The following IGF2R variants were observed in gnomAD, a reference collection of about 807,000 sequenced individuals.
The protein encoded by IGF2R is insulin like growth factor 2 receptor.
Under a neutral mutation model 270.6 loss-of-function variants are expected in IGF2R, and 91 were observed. The ratio of observed to expected loss-of-function variants is 0.34; its 90% confidence interval spans 0.28 to 0.40. IGF2R has a LOEUF of 0.40. Ranked by LOEUF, IGF2R falls within the 10% of genes least tolerant of loss-of-function variation. The probability of loss-of-function intolerance (pLI) is 1.00; values close to 1 mark genes in which losing one functional copy is unlikely to be tolerated. For missense variants in IGF2R, 2,805 were observed against 3,188.3 expected, an observed-to-expected ratio of 0.88 and a Z score of 2.90; for synonymous variants, 1,316 against 1,258.9, an observed-to-expected ratio of 1.05 and a Z score of -0.96.
At chr6:159,992,476 CTCTT>C (rs1251744001) in intron 2 of IGF2R, among the ~76,000 whole-genome samples, 4 of 152,018 alleles carry the variant, frequency 2.6e-5, no homozygotes, top group Non-Finnish European at 5.9e-5. Context: ...ATTTGGTGTT[CTCTT>C]TCTGAGTTAT....
chr6:160,031,373 A>G (rs1562349759), intron 7 of IGF2R, among the ~76,000 whole-genome samples: 1 of 152,030 alleles, frequency 6.6e-6, no homozygotes, highest in Non-Finnish European at 1.5e-5. Flanking sequence ...AGTACAATTC[A>G]GTGGTTATTA....
intron 42 of IGF2R, 148 bp downstream of exon 42, chr6:160,088,295 C>T (rs1363226569): frequency 3.1e-6 from 2 of 635,118 alleles, no homozygotes; most frequent in South Asian, 3.5e-5. Context: ...GGGGCTGCTC[C>T]AGGCAGGGAA....
intron 39 of IGF2R, among the ~76,000 whole-genome samples, chr6:160,082,549 A>T (rs1283360113): frequency 6.6e-6 from 1 of 152,164 alleles, no homozygotes; most frequent in Non-Finnish European, 1.5e-5. Flanking sequence ...TGACCTCATG[A>T]TCCGCCCACC....
chr6:160,042,327 T>C (rs1209460394), intron 11 of IGF2R, among the ~76,000 whole-genome samples: 1 of 152,238 alleles, frequency 6.6e-6, no homozygotes, highest in African/African-American at 2.4e-5. Context: ...TCTCCAAATG[T>C]ACTGTATCAC....
chr6:160,056,306 G>T (rs1778315806), intron 19 of IGF2R, 118 bp from the exon 20 acceptor site: 1 of 706,616 alleles, frequency 1.4e-6, no homozygotes, highest in Non-Finnish European at 2.6e-6. Flanking sequence ...CTTATTGGCT[G>T]ACTCATAATA....
chr6:160,071,801 G>A (rs1778744706), intron 31 of IGF2R, 109 bp from the exon 32 acceptor site: 3 of 1,411,864 alleles, frequency 2.1e-6, no homozygotes, highest in Non-Finnish European at 3.0e-6. Context: ...AGACAGAAAT[G>A]TCACATGCTG....
At position 160,089,088 on chromosome 6, in the gene IGF2R, T is replaced by C. The variant is rs371862914; in HGVS notation, c.6321-19T>C. 1.9e-6 allele frequency: 3 copies of C among 1,608,440 alleles called. No individual in the cohort carries two copies. The highest frequency in any genetic ancestry group is 2.6e-6 in the Non-Finnish European group (3 of 1,175,920). On this transcript the variant is annotated intron_variant, in intron 42 of 47. Transcript: ENST00000356956. Reference sequence around the variant, plus strand: ...TCTGGCTGGGGAAGTGACTGTAGCCTGTGCTTCCCTCCTCCTAGGTTTGAT... The same window carrying C: ...TCTGGCTGGGGAAGTGACTGTAGCCCGTGCTTCCCTCCTCCTAGGTTTGAT...
intron 39 of IGF2R, among the ~76,000 whole-genome samples, chr6:160,082,778 G>A (rs1779014117): frequency 6.6e-6 from 1 of 152,220 alleles, no homozygotes; most frequent in Admixed American, 6.5e-5. Flanking sequence ...ATGAGATGTG[G>A]CCAGGGCAGC....
intron 1 of IGF2R, among the ~76,000 whole-genome samples, chr6:159,986,424 G>A (rs1783886400): frequency 9.0e-6 from 1 of 111,198 alleles, no homozygotes; most frequent in South Asian, 3.8e-4. Context: ...GTGTGTGTGT[G>A]TGTGTGTTTT....
chr6:160,079,799 C>G lies in IGF2R; in HGVS notation c.5686+12C>G. Reference sequence around the variant, plus strand: ...TCGTTGCCCTCCAGGTAAATATTTGCAATGAGGTAAATAAACTTCAAGCTC... The same window carrying G: ...TCGTTGCCCTCCAGGTAAATATTTGGAATGAGGTAAATAAACTTCAAGCTC... On this transcript the variant is annotated intron_variant, in intron 38 of 47. Transcript: ENST00000356956. 6.9e-7 allele frequency: 1 copy of G among 1,447,286 alleles called. No homozygotes were observed. The allele number at this position is 1,447,286 out of a possible 1,614,324, so 89.7% of individuals were successfully genotyped here.
intron 26 of IGF2R, 116 bp downstream of exon 26, chr6:160,062,735 C>T: frequency 3.0e-6 from 2 of 668,824 alleles, no homozygotes; most frequent in East Asian, 5.9e-5. Flanking sequence ...TCATGAGACA[C>T]ACGCTAGGGG....
intron 9 of IGF2R, among the ~76,000 whole-genome samples, chr6:160,033,729 G>A (rs921602029): frequency 6.6e-6 from 1 of 152,156 alleles, no homozygotes; most frequent in Non-Finnish European, 1.5e-5. Context: ...TTTAAAATTC[G>A]TTTTTAAGGA....
At chr6:160,089,417 C>G (rs1583301707) in intron 43 of IGF2R, among the ~76,000 whole-genome samples, 164 bp downstream of exon 43, 1 of 152,222 alleles carries the variant, frequency 6.6e-6, no homozygotes, top group African/African-American at 2.4e-5. Context: ...AAAAGCGTTA[C>G]TCAATCATTA....
chr6:160,073,485 G>A lies in IGF2R; in HGVS notation c.4947+16G>A, dbSNP rs1778789652. 1 of 1,613,252 alleles carries A rather than the reference G, an allele frequency of 6.2e-7. No individual in the cohort carries two copies. Among genetic ancestry groups the A allele is most frequent in the Non-Finnish European group, 8.5e-7 (1 of 1,179,608 alleles). On this transcript the variant is annotated intron_variant, in intron 34 of 47. Transcript: ENST00000356956. Reference sequence around the variant, plus strand: ...CGAGCAAGCGGTGAGTTTTCAGATGGGCACGGGAGAAGTGCATGTCCAGTG... The same window carrying A: ...CGAGCAAGCGGTGAGTTTTCAGATGAGCACGGGAGAAGTGCATGTCCAGTG...
Position 160,047,809 on chromosome 6 carries a change from C to T in IGF2R, c.2247C>T (p.Thr749=). The change falls in exon 17 of 48, where the codon ACC becomes ACT. Residue 749 remains threonine, a synonymous_variant. Transcript: ENST00000356956. ...TGGATTAGGAAGAGGATAACTCCACCTACAACTTCCGGTGGTACACCAGCT... is the reference window on the plus strand; with the variant it reads ...TGGATTAGGAAGAGGATAACTCCACTTACAACTTCCGGTGGTACACCAGCT... The part of the protein sequence containing the change: ...FPEYQEEDNS[T]YNFRWYTSYA... The T allele has an allele frequency of 6.2e-7, 1 of 1,613,216 alleles. No individual in the cohort carries two copies. Among genetic ancestry groups the T allele is most frequent in the Non-Finnish European group, 8.5e-7 (1 of 1,179,090 alleles).
chr6:159,984,771 C>G (rs992799062), intron 1 of IGF2R, among the ~76,000 whole-genome samples: 1 of 152,154 alleles, frequency 6.6e-6, no homozygotes, highest in African/African-American at 2.4e-5. Flanking sequence ...ATAAACCAGT[C>G]CCCCCATCAG....
At chr6:159,995,277 TG>T (rs1784035431) in intron 2 of IGF2R, among the ~76,000 whole-genome samples, 2 of 152,158 alleles carry the variant, frequency 1.3e-5, no homozygotes, top group African/African-American at 4.8e-5. Flanking sequence ...GGTTTCTATT[TG>T]CATGGAATAT....
chr6:160,072,690 G>A, intron 32 of IGF2R, 75 bp from the exon 33 acceptor site: 2 of 1,546,950 alleles, frequency 1.3e-6, no homozygotes, highest in Non-Finnish European at 8.9e-7. Context: ...ATCTGTGTGT[G>A]AGCTCGCCGA....
At chr6:160,061,364 G>GC in intron 23 of IGF2R, 139 bp from the exon 24 acceptor site, 1 of 785,382 alleles carries the variant, frequency 1.3e-6, no homozygotes, top group Non-Finnish European at 2.1e-6. Context: ...AAGCCTCTCA[G>GC]CCTCCCGTGG....
Sources: allele counts gnomAD v4.1 joint callset (sites outside exome capture counted in the v4.1 genomes callset), GRCh38; gene constraint gnomAD v4.1.1; transcripts MANE v1.5; gene names NCBI Gene and HGNC (gene_info 2026-07-23, HGNC 2026-07-21).